The following RSRC1 variants were observed in gnomAD, a reference collection of about 807,000 sequenced individuals.
RSRC1 encodes arginine and serine rich coiled-coil 1.
RSRC1 carries 39 observed loss-of-function variants against 49.1 expected under a neutral mutation model. That is an observed-to-expected ratio of 0.79 (90% CI 0.61 to 1.04). The LOEUF (loss-of-function observed/expected upper bound fraction) is 1.04. Ranked by LOEUF, RSRC1 falls within the 50% of genes least tolerant of loss-of-function variation. The pLI, the probability that RSRC1 is intolerant of heterozygous loss-of-function variation, is 0.00. For missense variants in RSRC1, 388 were observed against 402.4 expected (o/e 0.96, Z 0.31); for synonymous variants, 143 against 130.8 (o/e 1.09, Z -0.63).
intron 6 of RSRC1, among the ~76,000 whole-genome samples, chr3:158,423,927 C>A (rs570675996): frequency 1.9e-3 from 285 of 151,004 alleles, no homozygotes; most frequent in Non-Finnish European, 2.8e-3. Context: ...GATTTTGTAT[C>A]CTGAGACTTT....
intron 7 of RSRC1, among the ~76,000 whole-genome samples, chr3:158,498,960 T>C (rs779128882): frequency 2.6e-5 from 4 of 152,234 alleles, no homozygotes; most frequent in Non-Finnish European, 5.9e-5. Flanking sequence ...CCACACTGTT[T>C]TGGTGACTAT....
intron 1 of RSRC1, among the ~76,000 whole-genome samples, chr3:158,110,973 C>A (rs764603662): frequency 4.6e-5 from 7 of 152,064 alleles, no homozygotes; most frequent in Non-Finnish European, 7.4e-5. Context: ...ACACTGGAAA[C>A]CTAAACAAAA....
chr3:158,396,132 A>G lies in RSRC1; in HGVS notation c.583+41224A>G, dbSNP rs991268203. 2.0e-5 allele frequency among the ~76,000 whole-genome samples: 3 copies of G among 152,100 alleles called. No homozygotes were observed. The South Asian group carries it at 6.2e-4, about 31-fold the overall frequency. On this transcript the variant is annotated intron_variant, in intron 6 of 9. Transcript: ENST00000611884. ...CCTCACTTATAAGTTGGAGCTAAAC[A>G]TTGCGAACACATGGACACAAAGAAA...
At chr3:158,198,387 C>G (rs1720784316) in intron 3 of RSRC1, among the ~76,000 whole-genome samples, 1 of 152,204 alleles carries the variant, frequency 6.6e-6, no homozygotes, top group African/African-American at 2.4e-5. Context: ...ATGTGTATCT[C>G]TGCATGTGAG....
intron 4 of RSRC1, among the ~76,000 whole-genome samples, chr3:158,272,481 A>C (rs1262310471): frequency 6.6e-6 from 1 of 152,244 alleles, no homozygotes; most frequent in Non-Finnish European, 1.5e-5. Flanking sequence ...CAAATAAAAA[A>C]CAAAAGATTA....
At chr3:158,187,255 A>G (rs1719985087) in intron 3 of RSRC1, among the ~76,000 whole-genome samples, 2 of 152,196 alleles carry the variant, frequency 1.3e-5, no homozygotes, top group South Asian at 4.1e-4. Context: ...GATAAAGTAC[A>G]TGAATATAGC....
At chr3:158,176,491 A>G (rs1002022119) in intron 3 of RSRC1, among the ~76,000 whole-genome samples, 14 of 152,196 alleles carry the variant, frequency 9.2e-5, no homozygotes, top group Admixed American at 9.2e-4. Flanking sequence ...CTCAGAAATA[A>G]CACCACACAT....
chr3:158,240,409 C>T (rs1723503601), intron 4 of RSRC1, among the ~76,000 whole-genome samples: 1 of 151,932 alleles, frequency 6.6e-6, no homozygotes, highest in Admixed American at 6.6e-5. Flanking sequence ...AGTTTTTAAA[C>T]CCAGGAATGG....
intron 3 of RSRC1, among the ~76,000 whole-genome samples, chr3:158,146,807 G>T (rs551147296): frequency 5.9e-5 from 9 of 152,216 alleles, no homozygotes; most frequent in Middle Eastern, 3.4e-3. Context: ...CAATTTCAGA[G>T]CCTGTTATTG....
intron 7 of RSRC1, among the ~76,000 whole-genome samples, chr3:158,477,577 A>C (rs1487348586): frequency 1.3e-5 from 2 of 151,966 alleles, no homozygotes; most frequent in Admixed American, 6.6e-5. Flanking sequence ...TTTAGATGTA[A>C]CACTATTGCA....
At chr3:158,302,180 G>C (rs1727590573) in intron 5 of RSRC1, among the ~76,000 whole-genome samples, 1 of 151,918 alleles carries the variant, frequency 6.6e-6, no homozygotes, top group Admixed American at 6.6e-5. Flanking sequence ...TTGTATAGAT[G>C]CTGGCAGAAG....
At chr3:158,410,866 T>C (rs1734429410) in intron 6 of RSRC1, among the ~76,000 whole-genome samples, 2 of 152,110 alleles carry the variant, frequency 1.3e-5, no homozygotes, top group South Asian at 4.1e-4. Flanking sequence ...TCAGTACTTG[T>C]GTTACACCAT....
chr3:158,115,379 A>C (rs1159732543), intron 1 of RSRC1, among the ~76,000 whole-genome samples: 3 of 151,766 alleles, frequency 2.0e-5, no homozygotes, highest in African/African-American at 7.3e-5. Flanking sequence ...TCAGAGATGT[A>C]GTATAAAGGA....
At chr3:158,473,966 A>G (rs922690704) in intron 7 of RSRC1, among the ~76,000 whole-genome samples, 3 of 152,184 alleles carry the variant, frequency 2.0e-5, no homozygotes, top group African/African-American at 7.2e-5. Context: ...TATTAAGTCT[A>G]TAGTTAATGT....
At chr3:158,344,584 C>G (rs1418316819) in intron 5 of RSRC1, among the ~76,000 whole-genome samples, 1 of 152,112 alleles carries the variant, frequency 6.6e-6, no homozygotes, top group Non-Finnish European at 1.5e-5. Context: ...TAACTCATCA[C>G]CAAATAATCT....
At chr3:158,140,343 G>C (rs1258535957) in intron 3 of RSRC1, among the ~76,000 whole-genome samples, 1 of 152,110 alleles carries the variant, frequency 6.6e-6, no homozygotes, top group Non-Finnish European at 1.5e-5. Flanking sequence ...GGATTGTCAG[G>C]CTCTTGTTAA....
intron 1 of RSRC1, 66 bp downstream of exon 1, chr3:158,110,289 G>C (rs1468861608): frequency 3.3e-5 from 5 of 152,630 alleles, no homozygotes; most frequent in Admixed American, 3.3e-4. Context: ...GCCCTGATCC[G>C]GCGAGAGGCG....
rs183829469 is a variant in RSRC1 at position 158,523,729 on chromosome 3, A to T, written c.653-13363A>T. ...AGGGCAGTAATGTGGATGCCTAATG[A>T]TTTCCCATCAAAACTCTCACAAAAT... On this transcript the variant is annotated intron_variant, in intron 7 of 9. Coordinates refer to ENST00000611884, the MANE Select transcript of RSRC1 (RefSeq NM_001271838.2). 1.9e-3 allele frequency among the ~76,000 whole-genome samples: 284 copies of T among 152,174 alleles called. 1 individual carries two copies. The highest frequency in any genetic ancestry group is 3.4e-3 in the Non-Finnish European group (234 of 67,982).
chr3:158,344,946 C>T (rs1397553908), intron 5 of RSRC1, among the ~76,000 whole-genome samples: 2 of 152,142 alleles, frequency 1.3e-5, no homozygotes, highest in South Asian at 2.1e-4. Flanking sequence ...AGGCCAGGCA[C>T]GGTGGCTTAC....
Sources: gnomAD v4.1 joint callset for allele counts (sites outside exome capture counted in the v4.1 genomes callset) on GRCh38, gnomAD v4.1.1 for gene constraint, MANE v1.5 for transcripts, NCBI Gene and HGNC (gene_info 2026-07-23, HGNC 2026-07-21) for gene names.